RASSF3: variants seen among roughly 807,000 people sequenced by gnomAD.
RASSF3 encodes ras association domain-containing protein 3.
In RASSF3, 19 loss-of-function variants were observed where a neutral mutation model predicts 19.9. The observed-to-expected ratio is 0.96, with a 90% CI of 0.67 to 1.40. The LOEUF is 1.40. RASSF3 is among the 40% of genes most tolerant of loss of function. The pLI, the probability that RASSF3 is intolerant of heterozygous loss-of-function variation, is 0.00. For synonymous variants in RASSF3, 110 were observed against 104.2 expected (o/e 1.06, Z -0.34); for missense variants, 306 against 289.8 (o/e 1.06, Z -0.41).
intron 1 of RASSF3, among the ~76,000 whole-genome samples, chr12:64,535,058 A>G (rs1868793541): frequency 6.6e-6 from 1 of 151,104 alleles, no homozygotes; most frequent in Non-Finnish European, 1.5e-5. Context: ...GATAAAATGT[A>G]TGTTCATTTC....
chr12:64,682,210 C>T (rs1306046376), intron 1 of RASSF3, among the ~76,000 whole-genome samples: 1 of 152,102 alleles, frequency 6.6e-6, no homozygotes, highest in Non-Finnish European at 1.5e-5. Flanking sequence ...GGTATTTATC[C>T]AGTATTACCC....
At chr12:64,614,632 G>T (rs947344496) in intron 1 of RASSF3, among the ~76,000 whole-genome samples, 2 of 151,252 alleles carry the variant, frequency 1.3e-5, no homozygotes, top group African/African-American at 2.4e-5. Flanking sequence ...TAATTTTATG[G>T]CTCCATATTC....
At chr12:64,693,203 C>G (rs1299616013) in intron 4 of RASSF3, among the ~76,000 whole-genome samples, 2 of 147,236 alleles carry the variant, frequency 1.4e-5, no homozygotes, top group Non-Finnish European at 3.0e-5. Context: ...AATTCTTCTA[C>G]CACTGAGCCC....
chr12:64,676,100 A>G (rs1373970728), intron 1 of RASSF3, among the ~76,000 whole-genome samples: 5 of 152,044 alleles, frequency 3.3e-5, no homozygotes, highest in Non-Finnish European at 7.4e-5. Flanking sequence ...TGTACTTTTA[A>G]GGACAAGAAC....
chr12:64,508,034 A>G (rs775838510), intron 1 of RASSF3, among the ~76,000 whole-genome samples: 4 of 152,172 alleles, frequency 2.6e-5, no homozygotes, highest in Admixed American at 6.6e-5. Flanking sequence ...CTGTAAGCCA[A>G]TTCTCTCACT....
At chr12:64,639,771 G>T (rs1456258885) in intron 1 of RASSF3, among the ~76,000 whole-genome samples, 2 of 152,016 alleles carry the variant, frequency 1.3e-5, no homozygotes, top group Non-Finnish European at 2.9e-5. Context: ...TTATGTAACT[G>T]CATTCTTCAA....
chr12:64,589,451 AAAAAT>A lies in RASSF3; in HGVS notation c.294+47754_294+47758del, dbSNP rs531977448. On this transcript the variant is annotated intron_variant, in intron 2 of 5. Transcript: ENST00000637125. ...GGCAACAGAGTGAGACCCTGTCTCA[AAAAAT>A]AAAATAAGATAAAAATGTCAGCATA... Among the ~76,000 whole-genome samples, 857 of 152,166 alleles carry A rather than the reference AAAAAT, an allele frequency of 5.6e-3. 4 individuals carry two copies. Among genetic ancestry groups the A allele is most frequent in the Non-Finnish European group, 0.01 (690 of 67,986 alleles).
At chr12:64,548,490 A>G (rs1286801037) in intron 2 of RASSF3, among the ~76,000 whole-genome samples, 1 of 152,164 alleles carries the variant, frequency 6.6e-6, no homozygotes, top group Non-Finnish European at 1.5e-5. Flanking sequence ...GCACCTGGCC[A>G]ACAATTTTAC....
rs201341460 is a variant in RASSF3 at position 64,580,692 on chromosome 12, T to TTAC, written c.294+38987_294+38988insTAC. ...CAAGGTGTCAATAAGGCCGTGCAAC[T>TTAC]CTGGGTAGAATCCTTCCTTGACTCT... is the stretch of plus-strand genomic sequence containing the variant. On this transcript the variant is annotated intron_variant, in intron 2 of 5. Transcript: ENST00000637125. Among the ~76,000 whole-genome samples the TTAC allele has an allele frequency of 8.9e-3, 1,347 of 152,020 alleles. 12 individuals are homozygous for TTAC. The highest frequency in any genetic ancestry group is 0.031 in the Middle Eastern group (9 of 294).
At chr12:64,590,060 T>C (rs574182944) in intron 2 of RASSF3, among the ~76,000 whole-genome samples, 1,625 of 115,114 alleles carry the variant, frequency 0.014, 21 homozygotes, top group Middle Eastern at 0.029. Context: ...GCAGAACTCT[T>C]ATCTCAAAAA....
intron 2 of RASSF3, among the ~76,000 whole-genome samples, chr12:64,556,464 G>C (rs1869257875): frequency 6.6e-6 from 1 of 152,068 alleles, no homozygotes; most frequent in African/African-American, 2.4e-5. Context: ...GGCCAAGTGG[G>C]GAGTTCTTCT....
intron 2 of RASSF3, among the ~76,000 whole-genome samples, chr12:64,569,323 A>T (rs1371187931): frequency 6.6e-6 from 1 of 152,258 alleles, no homozygotes; most frequent in Non-Finnish European, 1.5e-5. Flanking sequence ...CCCCTGCTCC[A>T]GCTGACACAG....
intron 3 of RASSF3, among the ~76,000 whole-genome samples, chr12:64,691,053 G>T (rs1039765256): frequency 6.6e-6 from 1 of 151,614 alleles, no homozygotes; most frequent in Non-Finnish European, 1.5e-5. Context: ...GTAGAGACAG[G>T]GTTTTGCCAT....
At chr12:64,615,164 C>A (rs1292987566) in intron 1 of RASSF3, among the ~76,000 whole-genome samples, 1 of 152,146 alleles carries the variant, frequency 6.6e-6, no homozygotes, top group Non-Finnish European at 1.5e-5. Context: ...TTATTATTTG[C>A]CTTCTTGATT....
chr12:64,688,301 T>C lies in RASSF3; in HGVS notation c.305T>C (p.Leu102Pro). The part of the protein sequence containing the change: ...PPQTSPNSGK[L>P]SPSSNGCMNT... ...CAGACTTCTCCAAATTCTGGAAAAC[T>C]CTCTCCCAGTAGCAATGGCTGTATG... The change falls in exon 3 of 5, where the codon CTC becomes CCC. Residue 102 changes from leucine to proline, a missense_variant. Physicochemically the swap from Leu to Pro is moderately conservative, Grantham distance 98. Coordinates refer to ENST00000542104, the MANE Select transcript of RASSF3 (RefSeq NM_178169.4). 1 of 1,614,032 alleles carries C rather than the reference T, an allele frequency of 6.2e-7. No individual in the cohort carries two copies. The highest frequency in any genetic ancestry group is 8.5e-7 in the Non-Finnish European group (1 of 1,179,970).
intron 2 of RASSF3, among the ~76,000 whole-genome samples, chr12:64,572,978 T>C (rs1399144834): frequency 2.0e-5 from 3 of 152,216 alleles, no homozygotes; most frequent in Admixed American, 6.5e-5. Flanking sequence ...CAAGTGATCC[T>C]CTTGCCTCGG....
chr12:64,536,307 GC>G (rs1868826973), intron 1 of RASSF3, among the ~76,000 whole-genome samples: 1 of 152,168 alleles, frequency 6.6e-6, no homozygotes, highest in South Asian at 2.1e-4. Flanking sequence ...ACCGTGCCCA[GC>G]CTGTTTTCAC....
intron 1 of RASSF3, chr12:64,611,523 C>G (rs890397387): frequency 6.6e-6 from 1 of 152,260 alleles, no homozygotes; most frequent in Non-Finnish European, 1.5e-5. Flanking sequence ...TTTGGGAGGC[C>G]TTCCCGAAAC....
intron 1 of RASSF3, among the ~76,000 whole-genome samples, chr12:64,508,038 T>C (rs1868302495): frequency 6.6e-6 from 1 of 152,212 alleles, no homozygotes; most frequent in Admixed American, 6.5e-5. Context: ...AAGCCAATTC[T>C]CTCACTTCAT....
Sources: allele counts gnomAD v4.1 joint callset (sites outside exome capture counted in the v4.1 genomes callset), GRCh38; gene constraint gnomAD v4.1.1; transcripts MANE v1.5; gene names NCBI Gene and HGNC (gene_info 2026-07-23, HGNC 2026-07-21).